The following KALRN variants were observed in gnomAD, a reference collection of about 807,000 sequenced individuals.
KALRN encodes the protein kalirin.
Under a neutral mutation model 353.7 loss-of-function variants are expected in KALRN, and 70 were observed. The ratio of observed to expected loss-of-function variants is 0.20; its 90% CI spans 0.16 to 0.24. The LOEUF is 0.24. Ranked by LOEUF, KALRN falls within the 10% of genes least tolerant of loss-of-function variation. The pLI, the probability that KALRN is intolerant of heterozygous loss-of-function variation, is 1.00. For synonymous variants in KALRN, 1,391 were observed against 1,434.8 expected (o/e 0.97, Z 0.69); for missense variants, 2,791 against 3,756.7 (o/e 0.74, Z 6.72).
chr3:124,521,116 G>A (rs923753631), intron 33 of KALRN, among the ~76,000 whole-genome samples: 1 of 152,178 alleles, frequency 6.6e-6, no homozygotes, highest in Non-Finnish European at 1.5e-5. Context: ...GATCCCTGAC[G>A]GCCAGGGTCT....
At chr3:124,327,273 A>C (rs2080016387) in intron 7 of KALRN, among the ~76,000 whole-genome samples, 1 of 152,156 alleles carries the variant, frequency 6.6e-6, no homozygotes, top group Non-Finnish European at 1.5e-5. Context: ...ATATTCAAAA[A>C]CTGTTATTTG....
At chr3:124,488,354 C>T in intron 29 of KALRN, 39 bp downstream of exon 29, 1 of 1,308,838 alleles carries the variant, frequency 7.6e-7, no homozygotes. Flanking sequence ...CTCCTCTCTT[C>T]CTTGACACGG....
At chr3:124,445,508 C>A (rs1446757728) in intron 19 of KALRN, among the ~76,000 whole-genome samples, 1 of 152,226 alleles carries the variant, frequency 6.6e-6, no homozygotes, top group Admixed American at 6.5e-5. Flanking sequence ...TATATACACT[C>A]ATTTAACACC....
intron 25 of KALRN, among the ~76,000 whole-genome samples, chr3:124,474,316 T>G (rs2061227612): frequency 6.6e-6 from 1 of 152,222 alleles, no homozygotes; most frequent in Non-Finnish European, 1.5e-5. Context: ...ATCTATATTA[T>G]TTAAAATATT....
chr3:124,286,084 T>TTTCTTTCTTTCTTTCC (rs2075821373), intron 5 of KALRN, among the ~76,000 whole-genome samples: 1 of 120,976 alleles, frequency 8.3e-6, no homozygotes, highest in African/African-American at 3.4e-5. Flanking sequence ...CTTTCCTTCC[T>TTTCTTTCTTTCTTTCC]TTCTTTCTTT....
chr3:124,059,902 A>G (rs769857360), intron 1 of KALRN, among the ~76,000 whole-genome samples: 14 of 152,212 alleles, frequency 9.2e-5, no homozygotes, highest in Admixed American at 5.9e-4. Flanking sequence ...CATAGCCCCT[A>G]TGAATTTTCT....
At position 124,284,241 on chromosome 3, in the gene KALRN, C is replaced by T. The variant is rs78305125; in HGVS notation, c.970-14550C>T. On this transcript the variant is annotated intron_variant, in intron 5 of 59. Transcript: ENST00000682506. ...TAGACACTCACTTCGTAGTTAAAAG[C>T]AAATCTGAGCTATCACTCCCCTCCA... 3.5e-3 allele frequency among the ~76,000 whole-genome samples: 536 copies of T among 152,308 alleles called. 5 individuals are homozygous for T. The highest frequency in any genetic ancestry group is 0.012 in the African/African-American group (517 of 41,558).
chr3:124,397,603 A>G (rs144533459), intron 12 of KALRN, among the ~76,000 whole-genome samples: 6 of 152,332 alleles, frequency 3.9e-5, no homozygotes, highest in South Asian at 2.1e-4. Flanking sequence ...TCAAGGCCCT[A>G]TGGAATCTAA....
intron 14 of KALRN, among the ~76,000 whole-genome samples, chr3:124,420,178 T>A (rs1027789175): frequency 6.6e-6 from 1 of 152,180 alleles, no homozygotes; most frequent in Non-Finnish European, 1.5e-5. Context: ...TCAAATGAGA[T>A]GGATGAAAAT....
Position 124,442,076 on chromosome 3 carries a change from C to G in KALRN, c.3313+17C>G, listed in dbSNP as rs768566295. On this transcript the variant is annotated intron_variant, in intron 19 of 59. Transcript: ENST00000682506. ...AAGTGAAAGGTCAGTGAGAGACCTGCCCAGCCACCAGTCACTTCAGCGACA... is the reference window on the plus strand; with the variant it reads ...AAGTGAAAGGTCAGTGAGAGACCTGGCCAGCCACCAGTCACTTCAGCGACA... 6.6e-7 allele frequency: 1 copy of G among 1,520,484 alleles called. No homozygotes were observed. The highest frequency in any genetic ancestry group is 9.0e-7 in the Non-Finnish European group (1 of 1,107,274). 94.2% of individuals were successfully genotyped at this position (1,520,484 alleles called of 1,614,324 possible).
intron 33 of KALRN, among the ~76,000 whole-genome samples, chr3:124,514,364 C>A (rs2066299292): frequency 6.6e-6 from 1 of 152,088 alleles, no homozygotes; most frequent in African/African-American, 2.4e-5. Context: ...GAATTCCCCA[C>A]CCGATCTAAT....
rs2150691504 is a variant in KALRN at position 124,702,039 on chromosome 3, T to C, written c.7998T>C (p.Asp2666=). 6.2e-7 allele frequency: 1 copy of C among 1,611,894 alleles called. No individual in the cohort carries two copies. The highest frequency in any genetic ancestry group is 8.5e-7 in the Non-Finnish European group (1 of 1,178,188). ...PSEFVRLPEY[D]AAADGATISW... ...AAATGGATTCTCTTTCTTCCGAAGA[T>C]GCTGCTGCTGATGGTGCCACCATTT... Residue 2666 remains aspartate, a splice_region_variant and synonymous_variant, in exon 57 of 60, where the codon GAT becomes GAC. Coordinates refer to ENST00000682506, the MANE Select transcript of KALRN (RefSeq NM_001388419.1).
intron 5 of KALRN, among the ~76,000 whole-genome samples, chr3:124,277,336 C>A (rs556655887): frequency 6.6e-6 from 1 of 152,252 alleles, no homozygotes; most frequent in East Asian, 1.9e-4. Flanking sequence ...CTGCTCTCCC[C>A]TCTCCTACTG....
chr3:124,523,396 A>G lies in KALRN; in HGVS notation c.4935+26983A>G, dbSNP rs151321827. Among the ~76,000 whole-genome samples the G allele has an allele frequency of 8.5e-5, 13 of 152,344 alleles. No homozygotes were observed. In the East Asian group the frequency reaches 1.3e-3, roughly 16 times the overall value. ...AGGCCCTGCATCAGTTTCTTCTGCC[A>G]TAAACACATTTTTATTCTTCTCCAC... is the stretch of plus-strand genomic sequence containing the variant. On this transcript the variant is annotated intron_variant, in intron 33 of 59. Transcript: ENST00000682506.
At chr3:124,259,560 G>A (rs2008627) in intron 3 of KALRN, among the ~76,000 whole-genome samples, 45,216 of 152,022 alleles carry the variant, frequency 0.3, 7,302 homozygotes, top group Non-Finnish European at 0.36. Flanking sequence ...AGGCACAGAG[G>A]GGTTCCACAG....
rs561129812 is a variant in KALRN at position 124,133,795 on chromosome 3, G to A, written c.74-94195G>A. 1.2e-4 allele frequency among the ~76,000 whole-genome samples: 18 copies of A among 152,252 alleles called. No individual in the cohort carries two copies. The East Asian group carries it at 3.5e-3, about 29-fold the overall frequency. On this transcript the variant is annotated intron_variant, in intron 1 of 59. Coordinates refer to ENST00000682506, the MANE Select transcript of KALRN (RefSeq NM_001388419.1). ...AAGAGTTTCAGGGCAGCCGGAATAG[G>A]ACAACATGTTCCTAGTATAACTAAA...
rs1050896684 is a variant in KALRN at position 124,359,326 on chromosome 3, A to G, written c.1770+12061A>G. Among the ~76,000 whole-genome samples the G allele has an allele frequency of 2.0e-5, 3 of 152,190 alleles. No homozygotes were observed. The East Asian group carries it at 5.8e-4, about 29-fold the overall frequency. On this transcript the variant is annotated intron_variant, in intron 10 of 59. Coordinates refer to ENST00000682506, the MANE Select transcript of KALRN (RefSeq NM_001388419.1). ...TGGCCGGTATCTGGCCTGAGTCTTCATTTCTATGTTCTAGCACAAAATGGT... is the reference window on the plus strand; with the variant it reads ...TGGCCGGTATCTGGCCTGAGTCTTCGTTTCTATGTTCTAGCACAAAATGGT...
intron 1 of KALRN, among the ~76,000 whole-genome samples, chr3:124,037,518 CATT>C (rs1559852352): frequency 6.6e-6 from 1 of 152,170 alleles, no homozygotes; most frequent in Non-Finnish European, 1.5e-5. Flanking sequence ...AGTAGGGAGT[CATT>C]ATGGATTCTT....
intron 1 of KALRN, among the ~76,000 whole-genome samples, chr3:124,072,430 G>T (rs1237435060): frequency 1.4e-4 from 22 of 152,326 alleles, no homozygotes; most frequent in Middle Eastern, 3.4e-3. Context: ...CCATTGATGA[G>T]GTGGTTGCTG....
Sources: allele counts gnomAD v4.1 joint callset (sites outside exome capture counted in the v4.1 genomes callset), GRCh38; gene constraint gnomAD v4.1.1; transcripts MANE v1.5; gene names NCBI Gene and HGNC (gene_info 2026-07-23, HGNC 2026-07-21).